The following PHEX variants were observed in gnomAD, a reference collection of about 807,000 sequenced individuals.
PHEX encodes phosphate-regulating neutral endopeptidase PHEX.
PHEX carries 16 observed loss-of-function variants against 68.0 expected under a neutral mutation model. That is an observed-to-expected ratio of 0.24 (90% CI 0.16 to 0.36). PHEX has a LOEUF of 0.36. Ranked by LOEUF, PHEX falls within the 10% of genes least tolerant of loss-of-function variation. PHEX has a pLI of 1.00. For missense variants in PHEX, 480 were observed against 575.5 expected, an observed-to-expected ratio of 0.83 and a Z score of 1.70; for synonymous variants, 208 against 205.1, an observed-to-expected ratio of 1.01 and a Z score of -0.12.
rs765141344 is a variant in PHEX at position 22,043,634 on chromosome X, A to C, written c.188-3416A>C. ...AGGTCCTGGCAAAAAGGAAATACTCAATATTGGTGATTTTATTATTGTTAA... is the reference window on the plus strand; with the variant it reads ...AGGTCCTGGCAAAAAGGAAATACTCCATATTGGTGATTTTATTATTGTTAA... On this transcript the variant is annotated intron_variant, in intron 2 of 21. Coordinates refer to ENST00000379374, the MANE Select transcript of PHEX (RefSeq NM_000444.6). 4.5e-5 allele frequency among the ~76,000 whole-genome samples: 5 copies of C among 111,338 alleles called. No homozygotes were observed. The South Asian group carries it at 1.5e-3, about 34-fold the overall frequency.
chrX:22,046,563 C>CTTTT (rs529373663), intron 2 of PHEX, among the ~76,000 whole-genome samples: 1 of 77,018 alleles, frequency 1.3e-5, no homozygotes, highest in African/African-American at 4.8e-5. Flanking sequence ...TATCCATTCC[C>CTTTT]TTTTTTTTTT....
At chrX:22,090,360 C>T (rs965438198) in intron 5 of PHEX, 69 bp from the exon 6 acceptor site, 11 of 856,454 alleles carry the variant, frequency 1.3e-5, no homozygotes, top group Non-Finnish European at 1.7e-5. Context: ...ACGATTTCAT[C>T]ACTCTTGTTA....
intron 12 of PHEX, among the ~76,000 whole-genome samples, chrX:22,166,370 T>G (rs1933319270): frequency 9.0e-6 from 1 of 111,579 alleles, no homozygotes; most frequent in Non-Finnish European, 1.9e-5. Context: ...AGGCCAATTT[T>G]CCTGCATTAT....
At chrX:22,044,335 A>G (rs1410207307) in intron 2 of PHEX, among the ~76,000 whole-genome samples, 1 of 111,582 alleles carries the variant, frequency 9.0e-6, no homozygotes, top group African/African-American at 3.3e-5. Flanking sequence ...CTGTGGCTGC[A>G]TACAGTAACT....
intron 3 of PHEX, among the ~76,000 whole-genome samples, chrX:22,051,402 G>A (rs1367255408): frequency 3.6e-5 from 4 of 110,513 alleles, no homozygotes; most frequent in Non-Finnish European, 7.6e-5. Flanking sequence ...GTGGTGGCAG[G>A]TGCCTGTAAT....
Position 22,249,000 on chromosome X carries a change from C to A in PHEX, c.*1047C>A, listed in dbSNP as rs923880273. 3 of 109,899 alleles carry A rather than the reference C, an allele frequency of 2.7e-5. No homozygotes were observed. Among genetic ancestry groups the A allele is most frequent in the African/African-American group, 1.0e-4 (3 of 30,108 alleles). The allele number at this position is 109,899 out of a possible 1,213,427, so 9.1% of individuals were successfully genotyped here. A position where few individuals can be genotyped will look rare whatever the true frequency, so the allele number is the denominator to read the frequency against. On this transcript the variant is annotated 3_prime_UTR_variant, in exon 22 of 22. Transcript: ENST00000379374. ...ACCCTTCTTTTTCAGCTTAATGTTA[C>A]CTCTCTTTAAAAAAAAAACATTTTT...
intron 12 of PHEX, among the ~76,000 whole-genome samples, chrX:22,142,174 C>T (rs951297623): frequency 8.9e-6 from 1 of 111,750 alleles, no homozygotes; most frequent in Non-Finnish European, 1.9e-5. Flanking sequence ...ATCGCTTGAA[C>T]CCGGAAGGCG....
At chrX:22,113,110 C>T (rs1027818324) in intron 10 of PHEX, among the ~76,000 whole-genome samples, 3 of 107,765 alleles carry the variant, frequency 2.8e-5, no homozygotes, top group Non-Finnish European at 5.8e-5. Flanking sequence ...CAGCTGCTTT[C>T]CACCCCTACT....
At chrX:22,231,664 T>TATTA (rs1935743529) in intron 20 of PHEX, among the ~76,000 whole-genome samples, 1 of 111,850 alleles carries the variant, frequency 8.9e-6, no homozygotes, top group South Asian at 3.7e-4. Flanking sequence ...TTCTCTCCCT[T>TATTA]ATTAGTCTTT....
intron 5 of PHEX, among the ~76,000 whole-genome samples, chrX:22,089,400 T>C (rs970533121): frequency 2.1e-5 from 2 of 94,499 alleles, no homozygotes; most frequent in Admixed American, 1.1e-4. Flanking sequence ...GCTGAAAGTT[T>C]TTTTTGTTTT....
intron 12 of PHEX, among the ~76,000 whole-genome samples, chrX:22,146,950 A>G (rs1264032466): frequency 8.9e-6 from 1 of 112,032 alleles, no homozygotes; most frequent in Non-Finnish European, 1.9e-5. Context: ...GTACTGTAAA[A>G]GTGTTTGGTT....
chrX:22,093,849 T>C (rs1375903370), intron 6 of PHEX, 134 bp from the exon 7 acceptor site: 2 of 485,990 alleles, frequency 4.1e-6, no homozygotes, highest in Admixed American at 2.4e-5. Flanking sequence ...GCATAATGCC[T>C]GCACCATACT....
chrX:22,086,024 A>G (rs572663741), intron 5 of PHEX, among the ~76,000 whole-genome samples: 2 of 111,806 alleles, frequency 1.8e-5, no homozygotes, highest in African/African-American at 3.2e-5. Flanking sequence ...GTATATTGCT[A>G]TATCTCCACT....
chrX:22,168,196 A>G lies in PHEX; in HGVS notation c.1405-116A>G, dbSNP rs1034004690. ...TTTTGCCCTTCACAGTGGCTTGCAT[A>G]TAGTAGATATTCAGTAAATGGAGTT... On this transcript the variant is annotated intron_variant, in intron 12 of 21. Transcript: ENST00000379374. 1.0e-5 allele frequency: 6 copies of G among 576,558 alleles called. No individual in the cohort carries two copies. The African/African-American group carries it at 1.3e-4, about 13-fold the overall frequency. 47.5% of individuals were successfully genotyped at this position (576,558 alleles called of 1,213,427 possible).
At chrX:22,077,444 C>A in intron 4 of PHEX, 32 bp from the exon 5 acceptor site, 1 of 1,149,345 alleles carries the variant, frequency 8.7e-7, no homozygotes, top group Non-Finnish European at 1.2e-6. Flanking sequence ...GTTTGCAATT[C>A]TAACTTTCTC....
At chrX:22,130,811 C>T (rs1244343233) in intron 11 of PHEX, among the ~76,000 whole-genome samples, 1 of 110,228 alleles carries the variant, frequency 9.1e-6, no homozygotes, top group Non-Finnish European at 1.9e-5. Flanking sequence ...TCCTCATTAG[C>T]TGTGTCAGCT....
chrX:22,094,365 G>A (rs923462093), intron 7 of PHEX, among the ~76,000 whole-genome samples: 5 of 112,246 alleles, frequency 4.5e-5, no homozygotes. Flanking sequence ...ACGTTGCTCA[G>A]CTGTGGCCAA....
At chrX:22,053,137 T>C (rs964376042) in intron 3 of PHEX, among the ~76,000 whole-genome samples, 2 of 111,932 alleles carry the variant, frequency 1.8e-5, no homozygotes, top group Non-Finnish European at 3.8e-5. Flanking sequence ...ATTCATGAAG[T>C]AATGTCTATC....
At chrX:22,061,361 C>T (rs1225097930) in intron 3 of PHEX, among the ~76,000 whole-genome samples, 1 of 111,519 alleles carries the variant, frequency 9.0e-6, no homozygotes, top group African/African-American at 3.3e-5. Flanking sequence ...CTCTCACCCC[C>T]AATTCTGAGA....
Sources: allele counts gnomAD v4.1 joint callset (sites outside exome capture counted in the v4.1 genomes callset), GRCh38; gene constraint gnomAD v4.1.1; transcripts MANE v1.5; gene names NCBI Gene and HGNC (gene_info 2026-07-23, HGNC 2026-07-21).